Variants in BOLL observed in about 807,000 individuals in gnomAD.
BOLL encodes boule RNA binding protein, also known as protein boule-like.
A neutral mutation model predicts 44.4 loss-of-function variants in BOLL; 23 were observed. The observed-to-expected ratio is 0.52, with a 90% confidence interval of 0.37 to 0.73. The LOEUF (loss-of-function observed/expected upper bound fraction) is 0.73, where lower values mean the gene tolerates loss of function less well. Among genes scored for constraint, BOLL ranks in the 30% least tolerant of loss-of-function variants. BOLL has a pLI of 0.00. For missense variants in BOLL, 287 were observed against 338.3 expected (o/e 0.85, Z 1.19); for synonymous variants, 97 against 110.8 (o/e 0.88, Z 0.78).
intron 9 of BOLL, among the ~76,000 whole-genome samples, chr2:197,752,914 C>T (rs2106343159): frequency 6.6e-6 from 1 of 152,260 alleles, no homozygotes; most frequent in South Asian, 2.1e-4. Context: ...TACTACAAGG[C>T]TACACTAACC....
intron 6 of BOLL, among the ~76,000 whole-genome samples, chr2:197,769,805 A>G (rs1689156251): frequency 6.6e-6 from 1 of 152,142 alleles, no homozygotes; most frequent in Non-Finnish European, 1.5e-5. Flanking sequence ...GATGTGAAGG[A>G]CCTCTTCAAG....
chr2:197,748,337 T>G (rs1384745535), intron 9 of BOLL, among the ~76,000 whole-genome samples: 1 of 151,730 alleles, frequency 6.6e-6, no homozygotes, highest in Non-Finnish European at 1.5e-5. Flanking sequence ...AGCTACAGGG[T>G]TTTTTTTGTT....
At chr2:197,786,036 G>C (rs1057352678), upstream of BOLL, 10 of 1,607,756 alleles carry the variant, frequency 6.2e-6, no homozygotes, top group Non-Finnish European at 8.5e-6. The surrounding 1 kb of genome is among the most constrained non-coding windows in gnomAD (Gnocchi z 5.9). Flanking sequence ...CGCGGGGTAG[G>C]GAAAAGAAGC....
intron 7 of BOLL, among the ~76,000 whole-genome samples, chr2:197,764,716 T>TTTG (rs943214797): frequency 1.3e-5 from 2 of 152,154 alleles, no homozygotes; most frequent in African/African-American, 4.8e-5. Context: ...AGAAGGCATT[T>TTTG]TTGTTGTTGT....
rs937743426 is a variant in BOLL, at chr2:197,730,891, A to G, written c.829-2313T>C. Among the ~76,000 whole-genome samples the G allele has an allele frequency of 8.5e-5, 13 of 152,278 alleles. 3 individuals carry two copies. Among genetic ancestry groups the G allele is most frequent in the African/African-American group, 3.1e-4 (13 of 41,546 alleles). Reference sequence around the variant, plus strand: ...AATGTAAAGACCATCGAGACTAGGAAGAAACTGCATCAACTAATGAGAAAA... The same window carrying G: ...AATGTAAAGACCATCGAGACTAGGAGGAAACTGCATCAACTAATGAGAAAA... On this transcript the variant is annotated intron_variant, in intron 10 of 10. Transcript: ENST00000392296.
chr2:197,741,328 T>C (rs866559380), intron 10 of BOLL, among the ~76,000 whole-genome samples: 9 of 152,294 alleles, frequency 5.9e-5, no homozygotes, highest in Admixed American at 2.0e-4. Context: ...TGTACATTGA[T>C]TTTGTATCCT....
intron 5 of BOLL, 45 bp from the exon 6 acceptor site, chr2:197,772,027 C>A (rs1200666835): frequency 2.1e-6 from 3 of 1,452,870 alleles, no homozygotes; most frequent in South Asian, 2.8e-5. Flanking sequence ...TTCAATTTAA[C>A]TGTTAAAAAT....
At chr2:197,735,620 G>C (rs778409787) in intron 10 of BOLL, among the ~76,000 whole-genome samples, 3 of 152,136 alleles carry the variant, frequency 2.0e-5, no homozygotes, top group Non-Finnish European at 4.4e-5. Context: ...AAAGGATGAA[G>C]TAGGTGAAGG....
intron 8 of BOLL, 36 bp from the exon 9 acceptor site, chr2:197,756,592 A>C (rs780063976): frequency 6.5e-7 from 1 of 1,548,922 alleles, no homozygotes; most frequent in African/African-American, 1.4e-5. Flanking sequence ...TTCAAATATG[A>C]TTAGTTATTT....
chr2:197,728,159 AAAAT>A lies in BOLL; in HGVS notation c.*392_*395del, dbSNP rs1313344648. 7.2e-6 allele frequency: 2 copies of A among 277,136 alleles called. No homozygotes were observed. The highest frequency in any genetic ancestry group is 6.5e-5 in the East Asian group (1 of 15,490). 17.2% of individuals were successfully genotyped at this position (277,136 alleles called of 1,614,324 possible). ...AAAAATGATTCTTATCCTAAATATGAAAATAAATATCAAATAATATGAAACATAA... is the reference window on the plus strand; with the variant it reads ...AAAAATGATTCTTATCCTAAATATGAAAATATCAAATAATATGAAACATAA... On this transcript the variant is annotated 3_prime_UTR_variant, in exon 11 of 11. Transcript: ENST00000392296.
intron 10 of BOLL, 48 bp from the exon 11 acceptor site, chr2:197,728,626 A>G: frequency 7.3e-7 from 1 of 1,373,444 alleles, no homozygotes; most frequent in Non-Finnish European, 1.0e-6. Flanking sequence ...AATGGAAAAA[A>G]AAAGATAAGT....
intron 7 of BOLL, among the ~76,000 whole-genome samples, chr2:197,759,955 G>A (rs1350928039): frequency 1.3e-5 from 2 of 152,150 alleles, no homozygotes; most frequent in Non-Finnish European, 2.9e-5. Context: ...TGGCAGAAAT[G>A]TCCCCAGGGG....
chr2:197,773,894 A>G (rs1458784340), intron 5 of BOLL: 1 of 315,234 alleles, frequency 3.2e-6, no homozygotes, highest in African/African-American at 2.3e-5. Flanking sequence ...AGGTAAACAA[A>G]GTGGTTAGTT....
chr2:197,738,274 G>A (rs1292570257), intron 10 of BOLL, among the ~76,000 whole-genome samples: 1 of 152,006 alleles, frequency 6.6e-6, no homozygotes, highest in Non-Finnish European at 1.5e-5. Context: ...TAGAGATGGG[G>A]TCTCGCCATA....
chr2:197,728,316 T>A lies in BOLL; in HGVS notation c.*239A>T. 1.7e-6 allele frequency: 1 copy of A among 591,496 alleles called. No individual in the cohort carries two copies. 36.6% of individuals were successfully genotyped at this position (591,496 alleles called of 1,614,324 possible). On this transcript the variant is annotated 3_prime_UTR_variant, in exon 11 of 11. Transcript: ENST00000392296. ...TGTAGAAAAGGTCATTACAGTTAGGTTAGCACATAAAAAACCAACATGCCA... is the reference window on the plus strand; with the variant it reads ...TGTAGAAAAGGTCATTACAGTTAGGATAGCACATAAAAAACCAACATGCCA...
At chr2:197,753,432 C>A (rs1350066135) in intron 9 of BOLL, among the ~76,000 whole-genome samples, 1 of 151,998 alleles carries the variant, frequency 6.6e-6, no homozygotes, top group East Asian at 1.9e-4. Context: ...AGAACTTAAA[C>A]AAATTTACAA....
intron 5 of BOLL, chr2:197,774,637 G>A (rs1465789771): frequency 6.6e-6 from 1 of 151,902 alleles, no homozygotes; most frequent in African/African-American, 2.4e-5. Flanking sequence ...TATTGCTGGT[G>A]ATAATGGGCT....
intron 9 of BOLL, among the ~76,000 whole-genome samples, chr2:197,751,694 A>T (rs1186734653): frequency 6.6e-6 from 1 of 152,214 alleles, no homozygotes; most frequent in Non-Finnish European, 1.5e-5. Context: ...AGACAGATTC[A>T]TAGCCGAATT....
chr2:197,734,299 A>G (rs1687365389), intron 10 of BOLL, among the ~76,000 whole-genome samples: 1 of 152,062 alleles, frequency 6.6e-6, no homozygotes. Flanking sequence ...CGATCATTAA[A>G]AAGTCAGGAA....
Sources: gnomAD v4.1 joint callset for allele counts (sites outside exome capture counted in the v4.1 genomes callset) on GRCh38, gnomAD v4.1.1 for gene constraint, Gnocchi (gnomAD v3.1) non-coding constraint, MANE v1.5 for transcripts, NCBI Gene and HGNC (gene_info 2026-07-23, HGNC 2026-07-21) for gene names.